The following TNFRSF13C variants were observed in gnomAD, a reference collection of about 807,000 sequenced individuals.
TNFRSF13C encodes tumor necrosis factor receptor superfamily member 13C.
TNFRSF13C carries 7 observed loss-of-function variants against 12.1 expected under a neutral mutation model. The observed-to-expected ratio is 0.58, with a 90% CI of 0.33 to 1.08. TNFRSF13C has a LOEUF of 1.08. TNFRSF13C is among the 50% of genes least tolerant of loss of function. The pLI is 0.04. For missense variants in TNFRSF13C, 260 were observed against 265.9 expected (o/e 0.98, Z 0.15); for synonymous variants, 157 against 130.8 (o/e 1.20, Z -1.37).
chr22:41,925,672 G>A, intron 2 of TNFRSF13C, 118 bp from the exon 3 acceptor site: 1 of 1,289,134 alleles, frequency 7.8e-7, no homozygotes, highest in South Asian at 1.3e-5. Flanking sequence ...GGTGGGGAGG[G>A]GTGGCACCTG....
In TNFRSF13C at chr22:41,922,441, A is replaced by G. The variant is rs1440821462; in HGVS notation, c.*2926T>C. The G allele has an allele frequency of 6.6e-6, 1 of 152,222 alleles. No individual in the cohort carries two copies. The allele number at this position is 152,222 out of a possible 1,614,324, so 9.4% of individuals were successfully genotyped here. On this transcript the variant is annotated 3_prime_UTR_variant, in exon 3 of 3. Transcript: ENST00000291232. ...TGCCCTTCTCTGGGGACCACAGGCC[A>G]GGAGGAGAACCTTGCATACAACCCC...
Position 41,922,933 on chromosome 22 carries a change from C to T in TNFRSF13C, c.*2434G>A, listed in dbSNP as rs1209030147. ...ATGGCTGGGCCCATGTGGGCCTGAC[C>T]CCACCAAACCTCTCCCACACCTACT... On this transcript the variant is annotated 3_prime_UTR_variant, in exon 3 of 3. Coordinates refer to ENST00000291232, the MANE Select transcript of TNFRSF13C (RefSeq NM_052945.4). 1.3e-5 allele frequency: 2 copies of T among 152,420 alleles called. No individual in the cohort carries two copies. Among genetic ancestry groups the T allele is most frequent in the Non-Finnish European group, 2.9e-5 (2 of 68,210 alleles). The allele number at this position is 152,420 out of a possible 1,614,324, so 9.4% of individuals were successfully genotyped here.
rs973046172 is a variant in TNFRSF13C at position 41,924,026 on chromosome 22, G to A, written c.*1341C>T. On this transcript the variant is annotated 3_prime_UTR_variant, in exon 3 of 3. Coordinates refer to ENST00000291232, the MANE Select transcript of TNFRSF13C (RefSeq NM_052945.4). ...CGAACCCATGAATTGATTATTCACT[G>A]CTGCCATTTGCATCAGTTTAAAAGC... 2 of 152,168 alleles carry A rather than the reference G, an allele frequency of 1.3e-5. No homozygotes were observed. The highest frequency in any genetic ancestry group is 6.5e-5 in the Admixed American group (1 of 15,270). The allele number at this position is 152,168 out of a possible 1,614,324, so 9.4% of individuals were successfully genotyped here. A position where few individuals can be genotyped will look rare whatever the true frequency, so the allele number is the denominator to read the frequency against.
At position 41,926,553 on chromosome 22, in the gene TNFRSF13C, G is replaced by T. The variant is rs530654060; in HGVS notation, c.136+85C>A. 462 of 1,325,442 alleles carry T rather than the reference G, an allele frequency of 3.5e-4. 1 individual carries two copies. The African/African-American group carries it at 6.6e-3, about 19-fold the overall frequency. The allele number at this position is 1,325,442 out of a possible 1,614,324, so 82.1% of individuals were successfully genotyped here. On this transcript the variant is annotated intron_variant, in intron 1 of 2. Coordinates refer to ENST00000291232, the MANE Select transcript of TNFRSF13C (RefSeq NM_052945.4). This position sits in a 1 kb window ranked among gnomAD's most constrained non-coding sequence, Gnocchi z 4.9. ...CTTTCAGCCCTCGGCGCCCCCGGGGGTCGGGGCTCTGCCTGCGCCCTGGCG... is the reference window on the plus strand; with the variant it reads ...CTTTCAGCCCTCGGCGCCCCCGGGGTTCGGGGCTCTGCCTGCGCCCTGGCG...
At position 41,926,628 on chromosome 22, in the gene TNFRSF13C, T is replaced by C; in HGVS notation, c.136+10A>G. 7.0e-7 allele frequency: 1 copy of C among 1,436,220 alleles called. No homozygotes were observed. The allele number at this position is 1,436,220 out of a possible 1,614,324, so 89.0% of individuals were successfully genotyped here. A position where few individuals can be genotyped will look rare whatever the true frequency, so the allele number is the denominator to read the frequency against. On this transcript the variant is annotated intron_variant, in intron 1 of 2. Coordinates refer to ENST00000291232, the MANE Select transcript of TNFRSF13C (RefSeq NM_052945.4). This position sits in a 1 kb window ranked among gnomAD's most constrained non-coding sequence, Gnocchi z 4.9. ...CTGCCGGCGCCGCGCGCCCCGTGGG[T>C]CCCCCTTACCCGGTTTCGGCCGCGG... is the stretch of plus-strand genomic sequence containing the variant.
chr22:41,925,551 G>T lies in TNFRSF13C; in HGVS notation c.371C>A (p.Pro124Gln). Residue 124 changes from proline to glutamine, a missense_variant, in exon 3 of 3, where the codon CCA (proline) becomes CAA (glutamine). Pro to Gln is a moderately conservative substitution (Grantham distance 76). Coordinates refer to ENST00000291232, the MANE Select transcript of TNFRSF13C (RefSeq NM_052945.4). ...AATGATGACCTTGTCCAGGGGCTCTGGGGCTGCAGGCAGAGGGGGTAGAGG... is the reference window on the plus strand; with the variant it reads ...AATGATGACCTTGTCCAGGGGCTCTTGGGCTGCAGGCAGAGGGGGTAGAGG... Reference protein sequence around the residue: ...AEAPDGDKDAPEPLDKVIILS... With the variant: ...AEAPDGDKDAQEPLDKVIILS... The T allele has an allele frequency of 6.2e-7, 1 of 1,612,546 alleles. No homozygotes were observed. Among genetic ancestry groups the T allele is most frequent in the South Asian group, 1.1e-5 (1 of 91,072 alleles).
In TNFRSF13C at chr22:41,923,445, G is replaced by C. The variant is rs1353415158; in HGVS notation, c.*1922C>G. The C allele has an allele frequency of 1.3e-5, 2 of 154,488 alleles. No individual in the cohort carries two copies. Among genetic ancestry groups the C allele is most frequent in the African/African-American group, 4.8e-5 (2 of 41,504 alleles). 9.6% of individuals were successfully genotyped at this position (154,488 alleles called of 1,614,324 possible). ...TCCAGGAGTGGAAAGAGATGGTCTT[G>C]TCCCCAGACCCCAGAGCAAGGAACA... On this transcript the variant is annotated 3_prime_UTR_variant, in exon 3 of 3. Transcript: ENST00000291232.
In TNFRSF13C at chr22:41,926,667, C is replaced by T. The variant is rs2077634478; in HGVS notation, c.107G>A (p.Gly36Glu). 2 of 1,463,564 alleles carry T rather than the reference C, an allele frequency of 1.4e-6. No homozygotes were observed. Among genetic ancestry groups the T allele is most frequent in the Non-Finnish European group, 1.8e-6 (2 of 1,112,992 alleles). The allele number at this position is 1,463,564 out of a possible 1,614,324, so 90.7% of individuals were successfully genotyped here. The part of the protein sequence containing the change: ...DLLVRHCVAC[G>E]LLRTPRPKPA... ...TTTCGGCCGCGGCGTGCGCAGGAGC[C>T]CGCAGGCCACGCAGTGGCGGACCAG... The change falls in exon 1 of 3, where the codon GGG (glycine) becomes GAG (glutamate). Residue 36 changes from glycine (G) to glutamate (E), a missense_variant. By Grantham distance (98) the Gly-to-Glu change is moderately conservative. Coordinates refer to ENST00000291232, the MANE Select transcript of TNFRSF13C (RefSeq NM_052945.4). The surrounding 1 kb of genome is among the most constrained non-coding windows in gnomAD (Gnocchi z 4.9).
chr22:41,923,009 T>C lies in TNFRSF13C; in HGVS notation c.*2358A>G, dbSNP rs1410661457. ...ACCTGGCTCCCTGGGGGCAGGGGCA[T>C]CTGAGATGGGTTCATGGAGCAAATA... is the stretch of plus-strand genomic sequence containing the variant. On this transcript the variant is annotated 3_prime_UTR_variant, in exon 3 of 3. Coordinates refer to ENST00000291232, the MANE Select transcript of TNFRSF13C (RefSeq NM_052945.4). 1 of 152,536 alleles carries C rather than the reference T, an allele frequency of 6.6e-6. No individual in the cohort carries two copies. The highest frequency in any genetic ancestry group is 1.5e-5 in the Non-Finnish European group (1 of 68,262). The allele number at this position is 152,536 out of a possible 1,614,324, so 9.4% of individuals were successfully genotyped here.
In TNFRSF13C at chr22:41,923,608, C is replaced by T. The variant is rs1314559739; in HGVS notation, c.*1759G>A. The T allele has an allele frequency of 6.6e-6, 1 of 152,342 alleles. No individual in the cohort carries two copies. The highest frequency in any genetic ancestry group is 2.4e-5 in the African/African-American group (1 of 41,440). The allele number at this position is 152,342 out of a possible 1,614,324, so 9.4% of individuals were successfully genotyped here. A position where few individuals can be genotyped will look rare whatever the true frequency, so the allele number is the denominator to read the frequency against. On this transcript the variant is annotated 3_prime_UTR_variant, in exon 3 of 3. Coordinates refer to ENST00000291232, the MANE Select transcript of TNFRSF13C (RefSeq NM_052945.4). ...CAGAGAGAGAAGGGAGTTCAAGGGA[C>T]CTCATGTCCACCTGGTTCAAGGTCA...
chr22:41,926,637 C>G lies in TNFRSF13C; in HGVS notation c.136+1G>C. 6.9e-7 allele frequency: 1 copy of G among 1,459,038 alleles called. No individual in the cohort carries two copies. The highest frequency in any genetic ancestry group is 9.0e-7 in the Non-Finnish European group (1 of 1,110,754). 90.4% of individuals were successfully genotyped at this position (1,459,038 alleles called of 1,614,324 possible). The stretch of plus-strand genomic sequence containing the variant: ...CCGCGCGCCCCGTGGGTCCCCCTTA[C>G]CCGGTTTCGGCCGCGGCGTGCGCAG... On this transcript the variant is annotated splice_donor_variant, in intron 1 of 2. Transcript: ENST00000291232. LOFTEE classifies it high-confidence loss of function. This position sits in a 1 kb window ranked among gnomAD's most constrained non-coding sequence, Gnocchi z 4.9.
chr22:41,925,203 A>C lies in TNFRSF13C; in HGVS notation c.*164T>G. The C allele has an allele frequency of 1.3e-6, 1 of 783,554 alleles. No homozygotes were observed. The highest frequency in any genetic ancestry group is 2.9e-5 in the Admixed American group (1 of 34,028). The allele number at this position is 783,554 out of a possible 1,614,324, so 48.5% of individuals were successfully genotyped here. On this transcript the variant is annotated 3_prime_UTR_variant, in exon 3 of 3. Coordinates refer to ENST00000291232, the MANE Select transcript of TNFRSF13C (RefSeq NM_052945.4). ...GCCAAAGGCAAGCACACCAAACTCCATGGGGGCTGAATGCTGTGGTCTGTA... is the reference window on the plus strand; with the variant it reads ...GCCAAAGGCAAGCACACCAAACTCCCTGGGGGCTGAATGCTGTGGTCTGTA...
rs1183281897 is a variant in TNFRSF13C at position 41,924,338 on chromosome 22, A to C, written c.*1029T>G. 6.6e-6 allele frequency: 1 copy of C among 151,702 alleles called. No homozygotes were observed. The highest frequency in any genetic ancestry group is 2.0e-4 in the East Asian group (1 of 5,126). The allele number at this position is 151,702 out of a possible 1,614,324, so 9.4% of individuals were successfully genotyped here. A position where few individuals can be genotyped will look rare whatever the true frequency, so the allele number is the denominator to read the frequency against. On this transcript the variant is annotated 3_prime_UTR_variant, in exon 3 of 3. Transcript: ENST00000291232. ...CGTCTCTACTAAAAATACAAAAAAA[A>C]TTAGCCGGGCGTGATGGCGGGCGCC...
rs907319316 is a variant in TNFRSF13C, at chr22:41,924,008, A to G, written c.*1359T>C. ...ACTAAATCCCAAAGCAAGCGAACCC[A>G]TGAATTGATTATTCACTGCTGCCAT... On this transcript the variant is annotated 3_prime_UTR_variant, in exon 3 of 3. Transcript: ENST00000291232. The G allele has an allele frequency of 6.6e-6, 1 of 152,186 alleles. No homozygotes were observed. The highest frequency in any genetic ancestry group is 1.9e-4 in the East Asian group (1 of 5,192). The allele number at this position is 152,186 out of a possible 1,614,324, so 9.4% of individuals were successfully genotyped here. A position where few individuals can be genotyped will look rare whatever the true frequency, so the allele number is the denominator to read the frequency against.
chr22:41,926,507 C>G lies in TNFRSF13C; in HGVS notation c.136+131G>C. ...GGCCACGCGGTGATCGCGGGCCCCT[C>G]CAGGCCCTGCCCACAGGGTCCTTTC... On this transcript the variant is annotated intron_variant, in intron 1 of 2. Coordinates refer to ENST00000291232, the MANE Select transcript of TNFRSF13C (RefSeq NM_052945.4). This position sits in a 1 kb window ranked among gnomAD's most constrained non-coding sequence, Gnocchi z 4.9. 1 of 1,222,756 alleles carries G rather than the reference C, an allele frequency of 8.2e-7. No homozygotes were observed. 75.7% of individuals were successfully genotyped at this position (1,222,756 alleles called of 1,614,324 possible). A position where few individuals can be genotyped will look rare whatever the true frequency, so the allele number is the denominator to read the frequency against.
In TNFRSF13C at chr22:41,926,267, G is replaced by C. The variant is rs1047109296; in HGVS notation, c.201C>G (p.Ala67=). ...CGGGCAGGGGCAGCGCCGCCTCGCC[G>C]GCCCCCGCGCCCACCGACTCCTGCG... ...LQPQESVGAG[A]GEAALPLPGL... The change falls in exon 2 of 3, where the codon GCC becomes GCG. Residue 67 remains alanine, a synonymous_variant. Transcript: ENST00000291232. The surrounding 1 kb of genome is among the most constrained non-coding windows in gnomAD (Gnocchi z 4.9). The C allele has an allele frequency of 6.7e-7, 1 of 1,494,878 alleles. No individual in the cohort carries two copies. The allele number at this position is 1,494,878 out of a possible 1,614,324, so 92.6% of individuals were successfully genotyped here.
chr22:41,925,474 C>T lies in TNFRSF13C; in HGVS notation c.448G>A (p.Glu150Lys). 1 of 1,613,118 alleles carries T rather than the reference C, an allele frequency of 6.2e-7. No homozygotes were observed. Among genetic ancestry groups the T allele is most frequent in the Non-Finnish European group, 8.5e-7 (1 of 1,179,954 alleles). ...ATAPAWPPPG[E>K]DPGTTPPGHS... ...CCAGGTGGGGTGGTTCCTGGGTCTT[C>T]CCCAGGAGGAGGCCAGGCAGGAGCT... The change falls in exon 3 of 3, where the codon GAA becomes AAA. Residue 150 changes from glutamate to lysine, a missense_variant. Coordinates refer to ENST00000291232, the MANE Select transcript of TNFRSF13C (RefSeq NM_052945.4).
chr22:41,925,529 G>C lies in TNFRSF13C; in HGVS notation c.393C>G (p.Ile131Met). 6.2e-7 allele frequency: 1 copy of C among 1,613,326 alleles called. No individual in the cohort carries two copies. The highest frequency in any genetic ancestry group is 8.5e-7 in the Non-Finnish European group (1 of 1,180,014). The change falls in exon 3 of 3, where the codon ATC becomes ATG. Residue 131 changes from isoleucine to methionine, a missense_variant. Coordinates refer to ENST00000291232, the MANE Select transcript of TNFRSF13C (RefSeq NM_052945.4). ...CATCAGAGATTCCCGGAGACAGAAT[G>C]ATGACCTTGTCCAGGGGCTCTGGGG... is the stretch of plus-strand genomic sequence containing the variant. ...KDAPEPLDKV[I>M]ILSPGISDAT... is the part of the protein sequence containing the mutation.
Position 41,924,201 on chromosome 22 carries a change from A to G in TNFRSF13C, c.*1166T>C, listed in dbSNP as rs1268889345. 6.6e-6 allele frequency: 1 copy of G among 151,004 alleles called. No homozygotes were observed. Among genetic ancestry groups the G allele is most frequent in the East Asian group, 1.9e-4 (1 of 5,148 alleles). The allele number at this position is 151,004 out of a possible 1,614,324, so 9.4% of individuals were successfully genotyped here. On this transcript the variant is annotated 3_prime_UTR_variant, in exon 3 of 3. Transcript: ENST00000291232. ...CCGAGACCCTGTCTTTAAAAAAAAA[A>G]AAAGGCCAGCCACGGTGGCTCACGC...
Sources: gnomAD v4.1 joint callset for allele counts on GRCh38, gnomAD v4.1.1 for gene constraint, Gnocchi (gnomAD v3.1) non-coding constraint, MANE v1.5 for transcripts, NCBI Gene and HGNC (gene_info 2026-07-23, HGNC 2026-07-21) for gene names.